FAM78B: variants seen among roughly 807,000 people sequenced by gnomAD.
FAM78B encodes protein FAM78B.
In FAM78B, 10 loss-of-function variants were observed where a neutral mutation model predicts 20.0. The observed-to-expected ratio is 0.50, with a 90% CI of 0.31 to 0.85. The LOEUF (loss-of-function observed/expected upper bound fraction) is 0.85. Ranked by LOEUF, FAM78B falls within the 40% of genes least tolerant of loss-of-function variation. The pLI is 0.05. For synonymous variants in FAM78B, 135 were observed against 132.8 expected (o/e 1.02, Z -0.12); for missense variants, 283 against 345.0 (o/e 0.82, Z 1.42).
intron 1 of FAM78B, among the ~76,000 whole-genome samples, chr1:166,141,341 A>G (rs186138202): frequency 1.9e-4 from 29 of 152,316 alleles, no homozygotes; most frequent in African/African-American, 7.0e-4. Flanking sequence ...GGGACATAGA[A>G]ATCTAAGTGG....
At chr1:166,098,768 T>G (rs1040860001) in intron 1 of FAM78B, among the ~76,000 whole-genome samples, 7 of 152,116 alleles carry the variant, frequency 4.6e-5, no homozygotes, top group Admixed American at 3.9e-4. Context: ...CTTAGAATAA[T>G]CGGTGTTCCT....
At chr1:166,109,919 T>TAA (rs1288373427) in intron 1 of FAM78B, among the ~76,000 whole-genome samples, 2 of 108,826 alleles carry the variant, frequency 1.8e-5, no homozygotes, top group African/African-American at 3.2e-5. Context: ...TATATATATA[T>TAA]AATGGAATAC....
At chr1:166,117,346 C>G (rs1008121701) in intron 1 of FAM78B, among the ~76,000 whole-genome samples, 1 of 152,118 alleles carries the variant, frequency 6.6e-6, no homozygotes, top group African/African-American at 2.4e-5. Context: ...AAATAGCACA[C>G]TTTTTCTCTT....
chr1:166,107,300 A>G (rs527459421), intron 1 of FAM78B, among the ~76,000 whole-genome samples: 54 of 152,284 alleles, frequency 3.5e-4, no homozygotes, highest in African/African-American at 1.3e-3. Context: ...TAACCTCACT[A>G]AGAAACAAAA....
intron 1 of FAM78B, among the ~76,000 whole-genome samples, chr1:166,140,760 G>T (rs1655248077): frequency 6.6e-6 from 1 of 152,160 alleles, no homozygotes; most frequent in Admixed American, 6.5e-5. Flanking sequence ...TTGGGGGTAT[G>T]ATTTGTATCC....
At chr1:166,119,988 A>C (rs1370389960) in intron 1 of FAM78B, among the ~76,000 whole-genome samples, 1 of 152,214 alleles carries the variant, frequency 6.6e-6, no homozygotes, top group East Asian at 1.9e-4. Context: ...CTGTGGATCT[A>C]CTGTTCCTTG....
rs1302559599 is a variant in FAM78B, at chr1:166,109,901, T to C, written c.264-39138A>G. 1.3e-4 allele frequency among the ~76,000 whole-genome samples: 13 copies of C among 99,914 alleles called. 2 individuals are homozygous for C. The highest frequency in any genetic ancestry group is 1.1e-3 in the East Asian group (3 of 2,744). The allele number at this position is 99,914 out of a possible 152,430, so 65.5% of individuals were successfully genotyped here. ...ATATATGTATATATGTATATATATATATATATATATATATATATAATGGAA... is the reference window on the plus strand; with the variant it reads ...ATATATGTATATATGTATATATATACATATATATATATATATATAATGGAA... On this transcript the variant is annotated intron_variant, in intron 1 of 1. Coordinates refer to ENST00000354422, the MANE Select transcript of FAM78B (RefSeq NM_001017961.5).
chr1:166,103,520 T>C (rs1026299718), intron 1 of FAM78B, among the ~76,000 whole-genome samples: 2 of 152,106 alleles, frequency 1.3e-5, no homozygotes, highest in Admixed American at 1.3e-4. Flanking sequence ...ATAAGGGGGA[T>C]ATCACCAACG....
At chr1:166,118,306 T>C (rs1164086854) in intron 1 of FAM78B, among the ~76,000 whole-genome samples, 1 of 152,146 alleles carries the variant, frequency 6.6e-6, no homozygotes, top group Non-Finnish European at 1.5e-5. Flanking sequence ...ACTCTATGAT[T>C]GCTAAAATCT....
Position 166,115,074 on chromosome 1 carries a change from C to A in FAM78B, c.264-44311G>T, listed in dbSNP as rs767488893. Among the ~76,000 whole-genome samples, 6 of 152,272 alleles carry A rather than the reference C, an allele frequency of 3.9e-5. No individual in the cohort carries two copies. The East Asian group carries it at 5.8e-4, about 15-fold the overall frequency. ...ATGTGACAGAAAACACCTTTGGCTG[C>A]CTGAACATGAAACAGCATGGTTTGT... On this transcript the variant is annotated intron_variant, in intron 1 of 1. Transcript: ENST00000354422.
rs377415987 is a variant in FAM78B at position 166,060,101 on chromosome 1, A to G, written c.*972T>C. The stretch of plus-strand genomic sequence containing the variant: ...ACCCAGCCTGGCCGTGGAAGGGGGA[A>G]CAAGATGACTGCCTTGGCTCTGGCT... On this transcript the variant is annotated 3_prime_UTR_variant and NMD_transcript_variant, in exon 3 of 3. Transcript: ENST00000435676. 1,136 of 162,892 alleles carry G rather than the reference A, an allele frequency of 7.0e-3. 17 individuals are homozygous for G. Among genetic ancestry groups the G allele is most frequent in the African/African-American group, 0.025 (1,063 of 41,806 alleles). The allele number at this position is 162,892 out of a possible 1,614,324, so 10.1% of individuals were successfully genotyped here.
intron 1 of FAM78B, among the ~76,000 whole-genome samples, chr1:166,120,739 G>A (rs1471217243): frequency 6.8e-6 from 1 of 147,122 alleles, no homozygotes; most frequent in Non-Finnish European, 1.5e-5. Flanking sequence ...GGAGCTAAGG[G>A]CTGTCCCCAA....
intron 1 of FAM78B, among the ~76,000 whole-genome samples, chr1:166,107,978 T>TACAAGGG (rs756042015): frequency 2.6e-5 from 4 of 152,110 alleles, no homozygotes; most frequent in Non-Finnish European, 5.9e-5. Context: ...AAAATAGGCA[T>TACAAGGG]ACAAGGGACA....
chr1:166,071,202 G>A (rs564278434), intron 1 of FAM78B, among the ~76,000 whole-genome samples: 1 of 152,206 alleles, frequency 6.6e-6, no homozygotes, highest in East Asian at 1.9e-4. Flanking sequence ...GGAAAGAAGG[G>A]CAAAAGGAGG....
intron 1 of FAM78B, among the ~76,000 whole-genome samples, chr1:166,076,861 C>G (rs1652295326): frequency 6.6e-6 from 1 of 152,124 alleles, no homozygotes; most frequent in Non-Finnish European, 1.5e-5. Context: ...GGGTCCAGAG[C>G]TTAGAAGAAA....
intron 1 of FAM78B, among the ~76,000 whole-genome samples, chr1:166,109,915 T>TATAC (rs1653983479): frequency 9.0e-6 from 1 of 110,844 alleles, no homozygotes; most frequent in Non-Finnish European, 1.9e-5. Flanking sequence ...TATATATATA[T>TATAC]ATATAATGGA....
intron 1 of FAM78B, among the ~76,000 whole-genome samples, chr1:166,076,426 C>T (rs527386676): frequency 6.6e-6 from 1 of 152,240 alleles, no homozygotes; most frequent in African/African-American, 2.4e-5. Context: ...GAAAGGCTTG[C>T]TCCCTTGCCT....
intron 1 of FAM78B, among the ~76,000 whole-genome samples, chr1:166,109,896 A>ATATGTG (rs1653975173): frequency 1.7e-5 from 1 of 59,954 alleles, no homozygotes; most frequent in Non-Finnish European, 3.4e-5. Flanking sequence ...ATATGTATAT[A>ATATGTG]TATATATATA....
intron 1 of FAM78B, among the ~76,000 whole-genome samples, chr1:166,152,376 C>T (rs769960311): frequency 1.5e-4 from 23 of 152,172 alleles, no homozygotes; most frequent in Admixed American, 1.3e-3. Context: ...CTGGTCTTGT[C>T]GTGAGAAACT....
Sources: allele counts gnomAD v4.1 joint callset (sites outside exome capture counted in the v4.1 genomes callset), GRCh38; gene constraint gnomAD v4.1.1; transcripts MANE v1.5; gene names NCBI Gene and HGNC (gene_info 2026-07-23, HGNC 2026-07-21).